Variants in ATP9B observed in about 807,000 individuals in gnomAD.
ATP9B encodes ATPase phospholipid transporting 9B, also known as probable phospholipid-transporting ATPase IIB.
A neutral mutation model predicts 146.1 loss-of-function variants in ATP9B; 110 were observed. That is an observed-to-expected ratio of 0.75 (90% confidence interval 0.65 to 0.88). ATP9B has a LOEUF of 0.88. Ranked by LOEUF, ATP9B falls within the 40% of genes least tolerant of loss-of-function variation. The probability of loss-of-function intolerance (pLI) is 0.00; values close to 1 mark genes in which losing one functional copy is unlikely to be tolerated. For missense variants in ATP9B, 1,499 were observed against 1,496.4 expected, an observed-to-expected ratio of 1.00 and a Z score of -0.03; for synonymous variants, 604 against 569.7, an observed-to-expected ratio of 1.06 and a Z score of -0.86.
intron 2 of ATP9B, among the ~76,000 whole-genome samples, chr18:79,099,295 C>T (rs544068224): frequency 2.0e-5 from 3 of 151,994 alleles, no homozygotes; most frequent in African/African-American, 7.2e-5. Context: ...GATGTCAGCT[C>T]ACCTCAACCT....
At chr18:79,376,214 C>CACACACACACACAAA in intron 29 of ATP9B, 21 of 884,978 alleles carry the variant, frequency 2.4e-5, no homozygotes, top group South Asian at 5.5e-5. Flanking sequence ...CACACACACA[C>CACACACACACACAAA]AAAACAAAAC....
At position 79,152,811 on chromosome 18, in the gene ATP9B, C is replaced by A. The variant is rs527579262; in HGVS notation, c.727-1693C>A. 2.6e-4 allele frequency among the ~76,000 whole-genome samples: 39 copies of A among 152,144 alleles called. 1 individual carries two copies. The highest frequency in any genetic ancestry group is 8.9e-4 in the African/African-American group (37 of 41,434). Reference sequence around the variant, plus strand: ...TATTGATTGAAAACACAATTATTTCCTCACTGATTGGCAGTTTCATCTTTC... The same window carrying A: ...TATTGATTGAAAACACAATTATTTCATCACTGATTGGCAGTTTCATCTTTC... On this transcript the variant is annotated intron_variant, in intron 6 of 29. Transcript: ENST00000426216.
chr18:79,210,898 A>G (rs915226208), intron 10 of ATP9B, among the ~76,000 whole-genome samples: 4 of 152,226 alleles, frequency 2.6e-5, no homozygotes, highest in Admixed American at 6.5e-5. Context: ...CATGAAATAC[A>G]TATTTACTTT....
chr18:79,361,827 C>G (rs2096991018), intron 26 of ATP9B: 4 of 985,102 alleles, frequency 4.1e-6, no homozygotes, highest in Non-Finnish European at 4.8e-6. Flanking sequence ...GCAGTTTATC[C>G]ACACCGGTCA....
chr18:79,308,397 C>CT (rs1418033659), intron 15 of ATP9B, among the ~76,000 whole-genome samples: 12 of 152,186 alleles, frequency 7.9e-5, no homozygotes, highest in Admixed American at 7.9e-4. Context: ...GTCCAAATGT[C>CT]TATCAGCTAT....
chr18:79,094,547 T>G (rs1263711615), intron 1 of ATP9B, among the ~76,000 whole-genome samples: 3 of 152,146 alleles, frequency 2.0e-5, no homozygotes, highest in African/African-American at 7.2e-5. Context: ...TTTCCCTTGC[T>G]CTCATAGAAG....
At chr18:79,101,668 C>A (rs1283860803) in intron 2 of ATP9B, among the ~76,000 whole-genome samples, 1 of 152,198 alleles carries the variant, frequency 6.6e-6, no homozygotes, top group Non-Finnish European at 1.5e-5. Flanking sequence ...TTTGAGAGAT[C>A]CAGTTTATTG....
chr18:79,164,996 G>T (rs2094943385), intron 7 of ATP9B, among the ~76,000 whole-genome samples: 1 of 152,174 alleles, frequency 6.6e-6, no homozygotes, highest in Non-Finnish European at 1.5e-5. Flanking sequence ...ACTAAGCCAT[G>T]TGAAGATCTG....
intron 5 of ATP9B, among the ~76,000 whole-genome samples, chr18:79,138,790 A>AG (rs1419073104): frequency 1.3e-5 from 2 of 149,714 alleles, no homozygotes; most frequent in African/African-American, 4.9e-5. Context: ...AAAAAAAAAA[A>AG]CCAGTATTGG....
At chr18:79,086,942 T>G (rs547065769) in intron 1 of ATP9B, among the ~76,000 whole-genome samples, 1 of 152,328 alleles carries the variant, frequency 6.6e-6, no homozygotes, top group African/African-American at 2.4e-5. Flanking sequence ...GGTTATTTAT[T>G]TATTTTAACA....
Position 79,255,749 on chromosome 18 carries a change from G to C in ATP9B, c.1268+2208G>C, listed in dbSNP as rs1004074128. Among the ~76,000 whole-genome samples, 13 of 152,288 alleles carry C rather than the reference G, an allele frequency of 8.5e-5. No individual in the cohort carries two copies. In the East Asian group the frequency reaches 2.5e-3, roughly 29 times the overall value. ...AGTCTCTGGTTCTCAGTAGCTCCAC[G>C]TAAGGCACATAGAGGGGCACATATG... On this transcript the variant is annotated intron_variant, in intron 12 of 29. Transcript: ENST00000426216.
intron 13 of ATP9B, among the ~76,000 whole-genome samples, chr18:79,285,308 C>T (rs1343261007): frequency 6.6e-6 from 1 of 152,068 alleles, no homozygotes; most frequent in African/African-American, 2.4e-5. Context: ...CTAATGATTG[C>T]CATTCTAACT....
intron 26 of ATP9B, chr18:79,363,458 C>T (rs184444540): frequency 8.0e-4 from 121 of 152,194 alleles, no homozygotes; most frequent in African/African-American, 2.8e-3. Context: ...ACAGATGTTC[C>T]TGGATTGAGA....
At chr18:79,289,288 A>G (rs2096477325) in intron 13 of ATP9B, among the ~76,000 whole-genome samples, 1 of 152,134 alleles carries the variant, frequency 6.6e-6, no homozygotes, top group Non-Finnish European at 1.5e-5. Context: ...ACACAGTCTC[A>G]TGTTTCTTGG....
chr18:79,128,052 CTTTTTTTTTTTTTT>C (rs1173565651), intron 5 of ATP9B, among the ~76,000 whole-genome samples: 1 of 71,688 alleles, frequency 1.4e-5, no homozygotes. Flanking sequence ...CCTTTGCCGA[CTTTTTTTTTTTTTT>C]TTTTTTTTTT....
chr18:79,330,893 C>T (rs972477055), intron 17 of ATP9B, among the ~76,000 whole-genome samples: 2 of 152,114 alleles, frequency 1.3e-5, no homozygotes, highest in Non-Finnish European at 2.9e-5. Context: ...TTTAATGTAT[C>T]TCTTTTGTAA....
chr18:79,286,040 G>A (rs200853933), intron 13 of ATP9B, among the ~76,000 whole-genome samples: 1 of 149,812 alleles, frequency 6.7e-6, no homozygotes, highest in Non-Finnish European at 1.5e-5. Flanking sequence ...GTAGTTTGAA[G>A]TCAGGTAGCA....
chr18:79,375,433 AAAGTT>A lies in ATP9B; in HGVS notation c.3307+9_3307+13del, dbSNP rs1266895564. On this transcript the variant is annotated splice_region_variant and intron_variant, in intron 29 of 29. Coordinates refer to ENST00000426216, the MANE Select transcript of ATP9B (RefSeq NM_198531.5). ...TCTTTTGGAGCTTTCTTAGGTAGGTAAAGTTATCATTTCTTTCAAAAGTGTAGAAA... is the reference window on the plus strand; with the variant it reads ...TCTTTTGGAGCTTTCTTAGGTAGGTAATCATTTCTTTCAAAAGTGTAGAAA... The A allele has an allele frequency of 3.1e-6, 5 of 1,612,100 alleles. No homozygotes were observed. The highest frequency in any genetic ancestry group is 1.1e-5 in the South Asian group (1 of 91,016).
intron 1 of ATP9B, among the ~76,000 whole-genome samples, chr18:79,082,090 A>C (rs1230296581): frequency 6.6e-6 from 1 of 152,130 alleles, no homozygotes; most frequent in African/African-American, 2.4e-5. Flanking sequence ...TGTTTCTTGG[A>C]GGCTTTGTTC....
Sources: gnomAD v4.1 joint callset for allele counts (sites outside exome capture counted in the v4.1 genomes callset) on GRCh38, gnomAD v4.1.1 for gene constraint, MANE v1.5 for transcripts, NCBI Gene and HGNC (gene_info 2026-07-23, HGNC 2026-07-21) for gene names.